PRKN: variants seen among roughly 807,000 people sequenced by gnomAD.
The protein encoded by PRKN is E3 ubiquitin-protein ligase parkin.
In PRKN, 56 loss-of-function variants were observed where a neutral mutation model predicts 59.5. That is an observed-to-expected ratio of 0.94 (90% CI 0.76 to 1.18). The LOEUF is 1.18. Ranked by LOEUF, PRKN falls within the 50% of genes most tolerant of loss-of-function variation. PRKN has a pLI of 0.00. For synonymous variants in PRKN, 250 were observed against 222.1 expected (o/e 1.13, Z -1.12); for missense variants, 657 against 596.4 (o/e 1.10, Z -1.06).
chr6:162,304,136 GCC>G (rs1782101015), intron 2 of PRKN, among the ~76,000 whole-genome samples: 1 of 139,312 alleles, frequency 7.2e-6, no homozygotes, highest in Non-Finnish European at 1.6e-5. Flanking sequence ...TTTGGAATAG[GCC>G]TTTTCCTCAC....
rs141513840 is a variant in PRKN at position 161,394,552 on chromosome 6, G to A, written c.1084-7675C>T. Among the ~76,000 whole-genome samples, 43 of 152,226 alleles carry A rather than the reference G, an allele frequency of 2.8e-4. 2 individuals are homozygous for A. Among genetic ancestry groups the A allele is most frequent in the African/African-American group, 8.9e-4 (37 of 41,528 alleles). ...TCTTGCAAGCTCTGAAAAGATCCCC[G>A]AAAATCCCCTTTTCTTACACCAACA... On this transcript the variant is annotated intron_variant, in intron 9 of 11. Transcript: ENST00000366898.
intron 6 of PRKN, among the ~76,000 whole-genome samples, chr6:161,952,971 A>G: frequency 6.6e-6 from 1 of 152,226 alleles, no homozygotes; most frequent in East Asian, 1.9e-4. Context: ...GGGCCAAGAC[A>G]TGCCCACGTG....
At chr6:162,108,062 G>C (rs1048477485) in intron 4 of PRKN, among the ~76,000 whole-genome samples, 2 of 152,122 alleles carry the variant, frequency 1.3e-5, no homozygotes, top group African/African-American at 4.8e-5. Context: ...ATTCAAGAAA[G>C]GATATGTCAA....
intron 6 of PRKN, among the ~76,000 whole-genome samples, chr6:161,964,868 A>C (rs1287362099): frequency 2.6e-5 from 4 of 152,090 alleles, no homozygotes; most frequent in Non-Finnish European, 5.9e-5. Context: ...GTTGATGGAA[A>C]GTAGCTATTG....
At chr6:162,065,884 T>C (rs556024831) in intron 4 of PRKN, among the ~76,000 whole-genome samples, 1 of 152,370 alleles carries the variant, frequency 6.6e-6, no homozygotes, top group South Asian at 2.1e-4. Flanking sequence ...TCCATGTCTC[T>C]GCAAAGGACA....
chr6:162,706,720 AAC>A (rs1335252519), intron 1 of PRKN, among the ~76,000 whole-genome samples: 3 of 152,200 alleles, frequency 2.0e-5, no homozygotes, highest in Non-Finnish European at 4.4e-5. Flanking sequence ...CTTAAAATAC[AAC>A]ACACACATGA....
chr6:162,407,466 G>C (rs1386041736), intron 2 of PRKN, among the ~76,000 whole-genome samples: 1 of 152,132 alleles, frequency 6.6e-6, no homozygotes, highest in Non-Finnish European at 1.5e-5. Flanking sequence ...CAAATGTCAA[G>C]TTCATTGTAG....
chr6:161,743,430 T>C (rs1005186903), intron 7 of PRKN, among the ~76,000 whole-genome samples: 3 of 144,700 alleles, frequency 2.1e-5, no homozygotes, highest in Admixed American at 6.9e-5. Context: ...TTTGTATTTT[T>C]AGTAGAGATG....
intron 1 of PRKN, among the ~76,000 whole-genome samples, chr6:162,479,470 T>C (rs56883440): frequency 0.54 from 82,387 of 151,884 alleles, 22,754 homozygotes; most frequent in African/African-American, 0.65. Context: ...CTCAGGTGAT[T>C]TGCCCACCTA....
intron 6 of PRKN, among the ~76,000 whole-genome samples, chr6:161,884,033 G>A (rs905709297): frequency 1.3e-5 from 2 of 151,914 alleles, no homozygotes; most frequent in African/African-American, 2.4e-5. Flanking sequence ...TGGGGTGGGC[G>A]GTAAAATATA....
intron 7 of PRKN, among the ~76,000 whole-genome samples, chr6:161,671,610 A>C (rs1562597481): frequency 6.6e-6 from 1 of 152,344 alleles, no homozygotes; most frequent in East Asian, 1.9e-4. Context: ...GATGGGGGAC[A>C]TGAACTGGCC....
chr6:162,098,435 C>T (rs537151309), intron 4 of PRKN, among the ~76,000 whole-genome samples: 7 of 152,244 alleles, frequency 4.6e-5, no homozygotes, highest in African/African-American at 9.6e-5. Context: ...TGGTATGTTT[C>T]GCATCCGTTG....
At position 161,749,002 on chromosome 6, in the gene PRKN, C is replaced by G. The variant is rs1788558084; in HGVS notation, c.871+36770G>C. ...CCGCCGCCAGGGGGCAGCTGGGAAA[C>G]ATTTCGAAGGGCTGGGAGAGATGGA... On this transcript the variant is annotated intron_variant, in intron 7 of 11. Transcript: ENST00000366898. Among the ~76,000 whole-genome samples the G allele has an allele frequency of 2.0e-5, 3 of 152,246 alleles. No homozygotes were observed. The South Asian group carries it at 6.2e-4, about 32-fold the overall frequency.
chr6:161,820,245 T>C (rs1347458514), intron 6 of PRKN, among the ~76,000 whole-genome samples: 1 of 151,932 alleles, frequency 6.6e-6, no homozygotes, highest in Non-Finnish European at 1.5e-5. Flanking sequence ...ATGGGTTCAC[T>C]CATACATTGC....
rs911578355 is a variant in PRKN, at chr6:161,484,054, G to T, written c.1083+64800C>A. ...TTGTGGGGAGGGAGAGCATCAGGAA[G>T]AATACCTAATGGATGCTGGGCTTAA... On this transcript the variant is annotated intron_variant, in intron 9 of 11. Coordinates refer to ENST00000366898, the MANE Select transcript of PRKN (RefSeq NM_004562.3). The surrounding 1 kb of genome is among the most constrained non-coding windows in gnomAD (Gnocchi z 4.9). 2.0e-5 allele frequency among the ~76,000 whole-genome samples: 3 copies of T among 152,094 alleles called. No homozygotes were observed. Among genetic ancestry groups the T allele is most frequent in the African/African-American group, 7.2e-5 (3 of 41,420 alleles).
In PRKN at chr6:162,452,379, A is replaced by G. The variant is rs146203489; in HGVS notation, c.8-8906T>C. ...GAATTTTTTTGCTTTATTCAACATA[A>G]TTTATTTAATGCAGATGACTGGGTA... On this transcript the variant is annotated intron_variant, in intron 1 of 11. Coordinates refer to ENST00000366898, the MANE Select transcript of PRKN (RefSeq NM_004562.3). Among the ~76,000 whole-genome samples the G allele has an allele frequency of 3.4e-3, 521 of 151,918 alleles. 4 individuals are homozygous for G. The highest frequency in any genetic ancestry group is 0.012 in the African/African-American group (482 of 41,474).
rs398003250 is a variant in PRKN at position 162,647,949 on chromosome 6, C to CAAAAAAAAAAAAAA, written c.7+79699_7+79712dup. 9.5e-4 allele frequency among the ~76,000 whole-genome samples: 72 copies of CAAAAAAAAAAAAAA among 75,642 alleles called. 13 individuals are homozygous for CAAAAAAAAAAAAAA. Among genetic ancestry groups the CAAAAAAAAAAAAAA allele is most frequent in the Middle Eastern group, 0.014 (1 of 70 alleles). The allele number at this position is 75,642 out of a possible 152,430, so 49.6% of individuals were successfully genotyped here. On this transcript the variant is annotated intron_variant, in intron 1 of 11. Coordinates refer to ENST00000366898, the MANE Select transcript of PRKN (RefSeq NM_004562.3). ...GAACCATCTCTATATGTCCACAGTG[C>CAAAAAAAAAAAAAA]AAAAAAAAAAAAAAAAAAAAAAAAA... is the stretch of plus-strand genomic sequence containing the variant.
At chr6:162,379,623 C>G (rs879407227) in intron 2 of PRKN, among the ~76,000 whole-genome samples, 3 of 152,102 alleles carry the variant, frequency 2.0e-5, no homozygotes, top group African/African-American at 7.2e-5. Flanking sequence ...ATGCCTTTCC[C>G]GCATGGACCC....
At chr6:161,766,010 A>G (rs898466904) in intron 7 of PRKN, among the ~76,000 whole-genome samples, 5 of 152,214 alleles carry the variant, frequency 3.3e-5, no homozygotes, top group African/African-American at 1.2e-4. Flanking sequence ...TTTCTACACC[A>G]TAACACAGTA....
Sources: allele counts gnomAD v4.1 joint callset (sites outside exome capture counted in the v4.1 genomes callset), GRCh38; gene constraint gnomAD v4.1.1; non-coding constraint Gnocchi (gnomAD v3.1); transcripts MANE v1.5; gene names NCBI Gene and HGNC (gene_info 2026-07-23, HGNC 2026-07-21).